Variants in RFX1 observed in about 807,000 individuals in gnomAD.
The protein encoded by RFX1 is regulatory factor X1.
A neutral mutation model predicts 119.6 loss-of-function variants in RFX1; 42 were observed. That is an observed-to-expected ratio of 0.35 (90% CI 0.27 to 0.45). RFX1 has a LOEUF of 0.45. RFX1 is among the 20% of genes least tolerant of loss of function. RFX1 has a pLI of 1.00. For missense variants in RFX1, 1,118 were observed against 1,368.1 expected (o/e 0.82, Z 2.88); for synonymous variants, 628 against 618.5 (o/e 1.02, Z -0.23).
chr19:13,984,798 C>G (rs1196574423), intron 2 of RFX1, among the ~76,000 whole-genome samples: 1 of 152,216 alleles, frequency 6.6e-6, no homozygotes, highest in Non-Finnish European at 1.5e-5. Context: ...GTTATCACTG[C>G]AGACACTAGT....
intron 2 of RFX1, among the ~76,000 whole-genome samples, chr19:13,991,856 C>T (rs1974815440): frequency 6.6e-6 from 1 of 151,954 alleles, no homozygotes; most frequent in Non-Finnish European, 1.5e-5. Flanking sequence ...TAGATGGGGT[C>T]TCACCATGTT....
rs760255020 is a variant in RFX1 at position 13,966,563 on chromosome 19, G to A, written c.1852-33C>T. 1 of 1,533,574 alleles carries A rather than the reference G, an allele frequency of 6.5e-7. No individual in the cohort carries two copies. Among genetic ancestry groups the A allele is most frequent in the East Asian group, 2.3e-5 (1 of 43,228 alleles). 95.0% of individuals were successfully genotyped at this position (1,533,574 alleles called of 1,614,324 possible). ...AGAGGCGGATGCTCAGGGAGGCTGG[G>A]GGGCAGCATGGCCCTCCCATGCCCG... On this transcript the variant is annotated intron_variant, in intron 13 of 20. Coordinates refer to ENST00000254325, the MANE Select transcript of RFX1 (RefSeq NM_002918.5). This position sits in a 1 kb window ranked among gnomAD's most constrained non-coding sequence, Gnocchi z 6.3.
In RFX1 at chr19:13,962,877, G is replaced by A. The variant is rs1032135954; in HGVS notation, c.2771-13C>T. 4 of 1,532,538 alleles carry A rather than the reference G, an allele frequency of 2.6e-6. No homozygotes were observed. Among genetic ancestry groups the A allele is most frequent in the East Asian group, 2.5e-5 (1 of 40,612 alleles). 94.9% of individuals were successfully genotyped at this position (1,532,538 alleles called of 1,614,324 possible). ...TCTTCCTCCTCGTCTGGAACACAGG[G>A]ACCAAGTCCGGCTCGGGGCGGGGTG... On this transcript the variant is annotated splice_polypyrimidine_tract_variant and intron_variant, in intron 20 of 20. Transcript: ENST00000254325.
chr19:13,983,090 T>A (rs1974478925), intron 4 of RFX1, 97 bp downstream of exon 4: 1 of 943,636 alleles, frequency 1.1e-6, no homozygotes, highest in Non-Finnish European at 1.6e-6. Flanking sequence ...GACTCTTCCC[T>A]CCATCCTGGT....
At chr19:13,993,374 T>C in intron 2 of RFX1, 151 bp downstream of exon 2, 1 of 654,256 alleles carries the variant, frequency 1.5e-6, no homozygotes, top group Non-Finnish European at 2.5e-6. Context: ...GAGGCCTCCT[T>C]GCATGGCTTA....
Position 13,969,929 on chromosome 19 carries a change from G to C in RFX1, c.1496+65C>G, listed in dbSNP as rs1568461538. 5.4e-6 allele frequency: 8 copies of C among 1,489,320 alleles called. No individual in the cohort carries two copies. Among genetic ancestry groups the C allele is most frequent in the African/African-American group, 2.8e-5 (2 of 71,812 alleles). 92.3% of individuals were successfully genotyped at this position (1,489,320 alleles called of 1,614,324 possible). A position where few individuals can be genotyped will look rare whatever the true frequency, so the allele number is the denominator to read the frequency against. Reference sequence around the variant, plus strand: ...TGGACTGCCTGAGATGACTCGGAGTGGGGGTGGGCCTTGGCATGCCCACCA... The same window carrying C: ...TGGACTGCCTGAGATGACTCGGAGTCGGGGTGGGCCTTGGCATGCCCACCA... On this transcript the variant is annotated intron_variant, in intron 10 of 20. Transcript: ENST00000254325. The surrounding 1 kb of genome is among the most constrained non-coding windows in gnomAD (Gnocchi z 4.5).
At chr19:14,000,363 G>A (rs1599524680) in intron 1 of RFX1, among the ~76,000 whole-genome samples, 1 of 152,138 alleles carries the variant, frequency 6.6e-6, no homozygotes, top group Non-Finnish European at 1.5e-5. Flanking sequence ...GTGTGTGGCT[G>A]TAATCCCAGC....
At chr19:13,964,883 G>A (rs1287195613) in intron 16 of RFX1, among the ~76,000 whole-genome samples, 1 of 152,178 alleles carries the variant, frequency 6.6e-6, no homozygotes, top group African/African-American at 2.4e-5. Context: ...GTGAATACAT[G>A]AATACATGAG....
chr19:13,967,075 G>A (rs1235177038), intron 12 of RFX1, among the ~76,000 whole-genome samples: 1 of 152,210 alleles, frequency 6.6e-6, no homozygotes, highest in Non-Finnish European at 1.5e-5. Context: ...GGCACCCAGG[G>A]CACAGTCAGG....
rs1289436726 is a variant in RFX1, at chr19:13,965,811, G to A, written c.1962-34C>T. ...ACCCACCCCACCCCGGGTCACTGGGGTACTCTATGGTCCTGCCCCCATCGT... is the reference window on the plus strand; with the variant it reads ...ACCCACCCCACCCCGGGTCACTGGGATACTCTATGGTCCTGCCCCCATCGT... On this transcript the variant is annotated intron_variant, in intron 14 of 20. Transcript: ENST00000254325. The surrounding 1 kb of genome is among the most constrained non-coding windows in gnomAD (Gnocchi z 4.7). 1 of 1,608,698 alleles carries A rather than the reference G, an allele frequency of 6.2e-7. No individual in the cohort carries two copies. Among genetic ancestry groups the A allele is most frequent in the Non-Finnish European group, 8.5e-7 (1 of 1,178,330 alleles).
rs780022188 is a variant in RFX1 at position 13,985,182 on chromosome 19, ATT to A, written c.320-1589_320-1588del. 6.6e-5 allele frequency among the ~76,000 whole-genome samples: 8 copies of A among 121,536 alleles called. No individual in the cohort carries two copies. The highest frequency in any genetic ancestry group is 7.0e-5 in the Non-Finnish European group (4 of 57,158). The allele number at this position is 121,536 out of a possible 152,430, so 79.7% of individuals were successfully genotyped here. Reference sequence around the variant, plus strand: ...TGGCTGACAGTAAGAGCTTTCCGGGATTTTTTTTTTTTTTTGAGACAGGGTCT... The same window carrying A: ...TGGCTGACAGTAAGAGCTTTCCGGGATTTTTTTTTTTTTGAGACAGGGTCT... On this transcript the variant is annotated intron_variant, in intron 2 of 20. Coordinates refer to ENST00000254325, the MANE Select transcript of RFX1 (RefSeq NM_002918.5). This position sits in a 1 kb window ranked among gnomAD's most constrained non-coding sequence, Gnocchi z 4.3.
chr19:13,968,177 C>T lies in RFX1; in HGVS notation c.1732+388G>A, dbSNP rs1973963938. On this transcript the variant is annotated intron_variant, in intron 12 of 20. Transcript: ENST00000254325. The surrounding 1 kb of genome is among the most constrained non-coding windows in gnomAD (Gnocchi z 5.5). Reference sequence around the variant, plus strand: ...GCTGAGGCAGGAGAATCACTTGAACCCAGGAGGCGGAGGTTGCAGTGAGCT... The same window carrying T: ...GCTGAGGCAGGAGAATCACTTGAACTCAGGAGGCGGAGGTTGCAGTGAGCT... 1.3e-5 allele frequency among the ~76,000 whole-genome samples: 2 copies of T among 152,016 alleles called. No individual in the cohort carries two copies. Among genetic ancestry groups the T allele is most frequent in the African/African-American group, 4.8e-5 (2 of 41,410 alleles).
In RFX1 at chr19:13,963,643, G is replaced by T; in HGVS notation, c.2465C>A (p.Ala822Glu). 1 of 1,601,724 alleles carries T rather than the reference G, an allele frequency of 6.2e-7. No individual in the cohort carries two copies. ...LQQQNSLEQW[A>E]AWLDGVVSQV... ...GCTCACCACGCCGTCCAGCCAGGCC[G>T]CCCACTGCTCCAGCGAGTTCTGCTG... The change falls in exon 18 of 21, where the codon GCG (alanine) becomes GAG (glutamate). Residue 822 changes from alanine (A) to glutamate (E), a missense_variant. Transcript: ENST00000254325.
chr19:13,963,700 C>T lies in RFX1; in HGVS notation c.2408G>A (p.Arg803Gln). ...VCRCEDRVVQ[R>Q]LEQDFKVTLQ... ...CGTCACCTTGAAGTCCTGCTCCAGCCGCTGCACCACGCGGTCCTCGCAGCG... is the reference window on the plus strand; with the variant it reads ...CGTCACCTTGAAGTCCTGCTCCAGCTGCTGCACCACGCGGTCCTCGCAGCG... The change falls in exon 18 of 21, where the codon CGG becomes CAG. Residue 803 changes from arginine (R) to glutamine (Q), a missense_variant. Around this residue, in one of 5 missense-constraint regions of RFX1, gnomAD observed 68 missense variants for 67.2 expected, o/e 1.01. Transcript: ENST00000254325. 1.9e-6 allele frequency: 3 copies of T among 1,604,320 alleles called. No homozygotes were observed. The highest frequency in any genetic ancestry group is 1.7e-6 in the Non-Finnish European group (2 of 1,177,556).
At chr19:13,972,688 G>T in intron 9 of RFX1, 55 bp downstream of exon 9, 1 of 1,410,002 alleles carries the variant, frequency 7.1e-7, no homozygotes. Context: ...TGGGCTTCTA[G>T]TGCCCACCAC....
Position 13,972,893 on chromosome 19 carries a change from GCCA to G in RFX1, c.1161_1163del (p.Gly399del), listed in dbSNP as rs756315571. The G allele has an allele frequency of 8.3e-6, 13 of 1,574,102 alleles. No homozygotes were observed. The highest frequency in any genetic ancestry group is 1.4e-5 in the African/African-American group (1 of 74,018). ...CGCCACCGCCTCCCCCGCCGCCGCC[GCCA>G]CCACCACTGCCACCACCTCCGCTGC... On this transcript the variant is annotated inframe_deletion, in exon 9 of 21. Transcript: ENST00000254325.
intron 6 of RFX1, among the ~76,000 whole-genome samples, chr19:13,979,817 G>A (rs918941525): frequency 6.6e-6 from 1 of 152,156 alleles, no homozygotes; most frequent in Non-Finnish European, 1.5e-5. Flanking sequence ...AGAACCCGCA[G>A]GCAAGGCCTT....
Position 13,986,733 on chromosome 19 carries a change from ACT to A in RFX1, c.320-3140_320-3139del, listed in dbSNP as rs1974610311. On this transcript the variant is annotated intron_variant, in intron 2 of 20. Coordinates refer to ENST00000254325, the MANE Select transcript of RFX1 (RefSeq NM_002918.5). The surrounding 1 kb of genome is among the most constrained non-coding windows in gnomAD (Gnocchi z 4.2). ...ATTAACATCTCTGAGCAGTGGAATG[ACT>A]CTGACAAGTGGGCACCCATCCTCCC... Among the ~76,000 whole-genome samples the A allele has an allele frequency of 6.6e-6, 1 of 151,898 alleles. No individual in the cohort carries two copies. Among genetic ancestry groups the A allele is most frequent in the South Asian group, 2.1e-4 (1 of 4,822 alleles).
chr19:13,963,511 C>G (rs1973787523), intron 18 of RFX1, 27 bp downstream of exon 18: 2 of 1,574,198 alleles, frequency 1.3e-6, no homozygotes, highest in Admixed American at 3.6e-5. Context: ...CTGGTGCCGC[C>G]CGGACCCGAT....
Sources: gnomAD v4.1 joint callset for allele counts (sites outside exome capture counted in the v4.1 genomes callset) on GRCh38, gnomAD v4.1.1 for gene constraint, gnomAD v4.1.1 regional missense constraint, Gnocchi (gnomAD v3.1) non-coding constraint, MANE v1.5 for transcripts, NCBI Gene and HGNC (gene_info 2026-07-23, HGNC 2026-07-21) for gene names.